Variants in AP1G1 observed in about 807,000 individuals in gnomAD.
AP1G1 encodes the protein adaptor related protein complex 1 subunit gamma 1.
Under a neutral mutation model 108.3 loss-of-function variants are expected in AP1G1, and 7 were observed. The ratio of observed to expected loss-of-function variants is 0.06; its 90% CI spans 0.04 to 0.12. AP1G1 has a LOEUF of 0.12. AP1G1 is among the 10% of genes least tolerant of loss of function. The pLI, the probability that AP1G1 is intolerant of heterozygous loss-of-function variation, is 1.00. For synonymous variants in AP1G1, 379 were observed against 353.5 expected (o/e 1.07, Z -0.81); for missense variants, 756 against 1,010.7 (o/e 0.75, Z 3.42).
intron 2 of AP1G1, among the ~76,000 whole-genome samples, chr16:71,776,282 T>C (rs571102611): frequency 2.6e-4 from 39 of 152,340 alleles, no homozygotes; most frequent in Non-Finnish European, 4.9e-4. Flanking sequence ...GTTAGCTGAA[T>C]GACTATACTA....
intron 6 of AP1G1, among the ~76,000 whole-genome samples, chr16:71,769,375 C>T (rs2031479148): frequency 6.6e-6 from 1 of 151,712 alleles, no homozygotes; most frequent in Non-Finnish European, 1.5e-5. Flanking sequence ...AGATAAAACA[C>T]ATGAGATTGG....
At chr16:71,740,462 G>T (rs1013870494) in intron 19 of AP1G1, among the ~76,000 whole-genome samples, 1 of 152,152 alleles carries the variant, frequency 6.6e-6, no homozygotes, top group African/African-American at 2.4e-5. Flanking sequence ...TTCATAGCAG[G>T]AACACTCCTA....
chr16:71,783,625 G>A (rs1484704183), intron 2 of AP1G1, among the ~76,000 whole-genome samples: 1 of 152,138 alleles, frequency 6.6e-6, no homozygotes, highest in Non-Finnish European at 1.5e-5. Flanking sequence ...GCAGTCCTAT[G>A]CTACACAGAT....
At chr16:71,798,145 TATC>T (rs200512292) in intron 1 of AP1G1, among the ~76,000 whole-genome samples, 3,261 of 152,196 alleles carry the variant, frequency 0.021, 60 homozygotes, top group Non-Finnish European at 0.035. Context: ...AAGGAAAAAT[TATC>T]ATCAAAAACT....
At chr16:71,799,435 A>G (rs1295148675) in intron 1 of AP1G1, among the ~76,000 whole-genome samples, 1 of 152,196 alleles carries the variant, frequency 6.6e-6, no homozygotes, top group African/African-American at 2.4e-5. Context: ...TCCACGCTAT[A>G]AGACACAATA....
In AP1G1 at chr16:71,808,632, T is replaced by C. The variant is rs1567669318; in HGVS notation, c.-4+131A>G. 4 of 1,289,602 alleles carry C rather than the reference T, an allele frequency of 3.1e-6. 1 individual carries two copies. The highest frequency in any genetic ancestry group is 2.5e-5 in the South Asian group (2 of 81,036). The allele number at this position is 1,289,602 out of a possible 1,614,324, so 79.9% of individuals were successfully genotyped here. On this transcript the variant is annotated intron_variant, in intron 1 of 22. Coordinates refer to ENST00000299980, the MANE Select transcript of AP1G1 (RefSeq NM_001128.6). ...CCGGCCTCTCCTGGCCCAGCTTCTC[T>C]GTCTTCTCTTCTCAACACCCACAGC...
intron 13 of AP1G1, chr16:71,753,620 A>G (rs1459851516): frequency 7.2e-6 from 4 of 552,234 alleles, no homozygotes; most frequent in African/African-American, 1.9e-5. Context: ...AATCTAAAAC[A>G]CTTGGCCAGT....
chr16:71,760,372 G>A (rs1412751603), intron 10 of AP1G1, among the ~76,000 whole-genome samples: 3 of 151,520 alleles, frequency 2.0e-5, no homozygotes, highest in African/African-American at 4.8e-5. Context: ...GTGAAACCCC[G>A]TCTCTACTAA....
chr16:71,749,133 A>C (rs1248623787), intron 15 of AP1G1, among the ~76,000 whole-genome samples: 1 of 151,208 alleles, frequency 6.6e-6, no homozygotes, highest in Non-Finnish European at 1.5e-5. Flanking sequence ...GGTCTGGCTA[A>C]CCACCCTGCA....
chr16:71,768,697 C>T (rs2031427613), intron 6 of AP1G1, among the ~76,000 whole-genome samples: 2 of 147,190 alleles, frequency 1.4e-5, no homozygotes, highest in Non-Finnish European at 3.0e-5. Context: ...GGGTGGATCA[C>T]GAGGTCAGGA....
Position 71,745,528 on chromosome 16 carries a change from T to A in AP1G1, c.1817A>T (p.Glu606Val). Reference sequence around the variant, plus strand: ...CGGTTTGGTCTCTAGTGGAGCTGGTTCTGTCTCTCCATTTGTCTGCACAAT... The same window carrying A: ...CGGTTTGGTCTCTAGTGGAGCTGGTACTGTCTCTCCATTTGTCTGCACAAT... Reference protein sequence around the residue: ...TEIVQTNGETEPAPLETKPPP... With the variant: ...TEIVQTNGETVPAPLETKPPP... Residue 606 changes from glutamate (E) to valine (V), a missense_variant, in exon 18 of 23, where the codon GAA becomes GTA. Transcript: ENST00000299980. 1 of 1,614,202 alleles carries A rather than the reference T, an allele frequency of 6.2e-7. No individual in the cohort carries two copies.
At chr16:71,747,407 C>G (rs1407758158) in intron 16 of AP1G1, 2 of 152,016 alleles carry the variant, frequency 1.3e-5, no homozygotes, top group Admixed American at 1.3e-4. Flanking sequence ...GGTGAAACCC[C>G]ATCTCCACCA....
At position 71,786,468 on chromosome 16, in the gene AP1G1, T is replaced by A. The variant is rs531610378; in HGVS notation, c.201+2811A>T. Among the ~76,000 whole-genome samples the A allele has an allele frequency of 4.7e-3, 693 of 146,492 alleles. 4 individuals carry two copies. Among genetic ancestry groups the A allele is most frequent in the South Asian group, 0.012 (52 of 4,308 alleles). On this transcript the variant is annotated intron_variant, in intron 2 of 22. Transcript: ENST00000299980. ...TGGCAGAAATCCAACTCAACAAAAA[T>A]TTTTTTTTTTTGAGAAAGAGTCTCA...
chr16:71,808,348 C>A, intron 1 of AP1G1: 2 of 797,072 alleles, frequency 2.5e-6, no homozygotes, highest in Non-Finnish European at 3.4e-6. Flanking sequence ...TGGGAGTTAT[C>A]TGACAGACCT....
In AP1G1 at chr16:71,750,228, A is replaced by T. The variant is rs1179648413; in HGVS notation, c.1389T>A (p.Ile463=). The T allele has an allele frequency of 4.6e-5, 75 of 1,613,838 alleles. No individual in the cohort carries two copies. The East Asian group carries it at 1.6e-3, about 35-fold the overall frequency. The change falls in exon 14 of 23, where the codon ATT becomes ATA. Residue 463 remains isoleucine (I), a synonymous_variant. Transcript: ENST00000299980. Reference sequence around the variant, plus strand: ...TACTTACTTGAGAATAATCACCAAGAATTGCTTTGTACAGGCGCTGGACAG... The same window carrying T: ...TACTTACTTGAGAATAATCACCAAGTATTGCTTTGTACAGGCGCTGGACAG... ...AYTVQRLYKA[I]LGDYSQQPLV...
chr16:71,807,249 A>G (rs1410866416), intron 1 of AP1G1, among the ~76,000 whole-genome samples: 1 of 152,162 alleles, frequency 6.6e-6, no homozygotes, highest in Non-Finnish European at 1.5e-5. Flanking sequence ...AACATGATGA[A>G]ACCCCATCTC....
At chr16:71,789,636 G>T (rs531147222) in intron 1 of AP1G1, among the ~76,000 whole-genome samples, 154 bp from the exon 2 acceptor site, 1 of 152,144 alleles carries the variant, frequency 6.6e-6, no homozygotes, top group South Asian at 2.1e-4. Flanking sequence ...CTAAGCTTCC[G>T]CAAAGCTATT....
intron 1 of AP1G1, among the ~76,000 whole-genome samples, chr16:71,797,730 C>T (rs2032637401): frequency 1.3e-5 from 2 of 151,946 alleles, no homozygotes; most frequent in African/African-American, 2.4e-5. Context: ...ACCCAGGAGG[C>T]GGGGATTGCA....
intron 1 of AP1G1, among the ~76,000 whole-genome samples, chr16:71,800,240 G>A (rs1597091883): frequency 2.7e-5 from 4 of 147,486 alleles, no homozygotes; most frequent in Admixed American, 2.7e-4. Flanking sequence ...GTGTGGTGGT[G>A]GGCGCCTGTA....
Sources: allele counts gnomAD v4.1 joint callset (sites outside exome capture counted in the v4.1 genomes callset), GRCh38; gene constraint gnomAD v4.1.1; transcripts MANE v1.5; gene names NCBI Gene and HGNC (gene_info 2026-07-23, HGNC 2026-07-21).